PTBP3: variants seen among roughly 807,000 people sequenced by gnomAD.
PTBP3 encodes the protein polypyrimidine tract-binding protein 3.
A neutral mutation model predicts 58.7 loss-of-function variants in PTBP3; 20 were observed. The observed-to-expected ratio is 0.34, with a 90% CI of 0.24 to 0.50. PTBP3 has a LOEUF of 0.50. PTBP3 is among the 20% of genes least tolerant of loss of function. The probability of loss-of-function intolerance (pLI) is 0.98; values close to 1 mark genes in which losing one functional copy is unlikely to be tolerated. For synonymous variants in PTBP3, 185 were observed against 219.8 expected, an observed-to-expected ratio of 0.84 and a Z score of 1.40; for missense variants, 509 against 637.2, an observed-to-expected ratio of 0.80 and a Z score of 2.17.
At chr9:112,317,945 C>CA (rs1157603489) in intron 1 of PTBP3, among the ~76,000 whole-genome samples, 2 of 152,002 alleles carry the variant, frequency 1.3e-5, no homozygotes, top group South Asian at 4.1e-4. Context: ...TCAAAAACAA[C>CA]AAAAAACAAA....
chr9:112,330,344 T>G (rs2900539), intron 1 of PTBP3: 8 of 939,950 alleles, frequency 8.5e-6, no homozygotes, highest in African/African-American at 5.1e-5. Flanking sequence ...ATTAAAGACT[T>G]TTACACAATA....
At chr9:112,230,916 C>A (rs1482909075) in intron 10 of PTBP3, among the ~76,000 whole-genome samples, 3 of 152,148 alleles carry the variant, frequency 2.0e-5, no homozygotes, top group African/African-American at 7.2e-5. Flanking sequence ...TAGGTAAAAA[C>A]CAAATTCCTT....
chr9:112,262,957 G>C (rs1389585609), intron 4 of PTBP3, among the ~76,000 whole-genome samples: 2 of 152,154 alleles, frequency 1.3e-5, no homozygotes, highest in Non-Finnish European at 2.9e-5. Flanking sequence ...ACCCAAACAA[G>C]GGTAGTCAAG....
At chr9:112,371,003 T>C in the PTBP3 span, among the ~76,000 whole-genome samples, 2,277 of 152,142 alleles carry the variant, frequency 0.015, 24 homozygotes, top group Non-Finnish European at 0.023. Context: ...TTATTAGCTC[T>C]AGTAGTTTTT....
rs1303442259 is a variant in PTBP3 at position 112,280,832 on chromosome 9, T to C, written c.35-4819A>G. On this transcript the variant is annotated intron_variant, in intron 2 of 13. Coordinates refer to ENST00000374257, the MANE Select transcript of PTBP3 (RefSeq NM_001163788.4). Reference sequence around the variant, plus strand: ...TTTTTTTTAGTTTAGAGATCACTAGTTTGTTATAAGAGAGATACAACATTT... The same window carrying C: ...TTTTTTTTAGTTTAGAGATCACTAGCTTGTTATAAGAGAGATACAACATTT... The C allele has an allele frequency of 5.3e-5, 6 of 112,722 alleles. No homozygotes were observed. The East Asian group carries it at 9.4e-4, about 18-fold the overall frequency. The allele number at this position is 112,722 out of a possible 1,614,324, so 7.0% of individuals were successfully genotyped here.
intron 1 of PTBP3, among the ~76,000 whole-genome samples, chr9:112,316,535 G>C (rs2132416636): frequency 6.6e-6 from 1 of 152,292 alleles, no homozygotes; most frequent in South Asian, 2.1e-4. Context: ...CCTTGTAAAA[G>C]TTCTAGAACC....
intron 2 of PTBP3, among the ~76,000 whole-genome samples, chr9:112,279,972 A>G (rs909531764): frequency 1.3e-5 from 2 of 152,172 alleles, no homozygotes; most frequent in African/African-American, 4.8e-5. Context: ...ACTGACTTTG[A>G]TATCTTGATC....
chr9:112,322,528 G>C (rs536358061), intron 1 of PTBP3, among the ~76,000 whole-genome samples: 27 of 152,326 alleles, frequency 1.8e-4, no homozygotes, highest in Admixed American at 1.6e-3. Context: ...TCAGACTCTA[G>C]AAGAGGGGCC....
chr9:112,325,541 T>G (rs1830121597), intron 1 of PTBP3, among the ~76,000 whole-genome samples: 1 of 150,048 alleles, frequency 6.7e-6, no homozygotes, highest in African/African-American at 2.5e-5. Context: ...TGGATTTAGT[T>G]GAACTAAGAA....
chr9:112,301,300 G>GATAC (rs34177200), intron 1 of PTBP3, among the ~76,000 whole-genome samples: 42,088 of 151,646 alleles, frequency 0.28, 6,789 homozygotes, highest in South Asian at 0.41. Flanking sequence ...TTAAGACCAT[G>GATAC]ATACTACCAC....
At chr9:112,235,994 T>A (rs1835424511) in intron 7 of PTBP3, among the ~76,000 whole-genome samples, 1 of 152,078 alleles carries the variant, frequency 6.6e-6, no homozygotes, top group Admixed American at 6.6e-5. Context: ...AACAACAGTA[T>A]TACAGAAGTA....
intron 7 of PTBP3, among the ~76,000 whole-genome samples, chr9:112,246,106 C>A (rs1208103716): frequency 6.6e-6 from 1 of 151,900 alleles, no homozygotes. Context: ...CCTCAGCCCC[C>A]CTAGTAGCTG....
In PTBP3 at chr9:112,324,430, A is replaced by G. The variant is rs576044497; in HGVS notation, c.-52+9040T>C. ...CACTTTGGGAGCCCGAGTCTGGTGG[A>G]TCAGTTGAGGTCAGAAGTTCAAGAT... On this transcript the variant is annotated intron_variant, in intron 1 of 13. Coordinates refer to ENST00000374257, the MANE Select transcript of PTBP3 (RefSeq NM_001163788.4). Among the ~76,000 whole-genome samples the G allele has an allele frequency of 4.6e-5, 7 of 152,288 alleles. No homozygotes were observed. The East Asian group carries it at 9.7e-4, about 21-fold the overall frequency.
rs539008671 is a variant in PTBP3 at position 112,308,741 on chromosome 9, G to A, written c.-51-10825C>T. 3.3e-5 allele frequency among the ~76,000 whole-genome samples: 5 copies of A among 152,110 alleles called. No homozygotes were observed. The South Asian group carries it at 1.0e-3, about 32-fold the overall frequency. On this transcript the variant is annotated intron_variant, in intron 1 of 13. Transcript: ENST00000374257. ...GACATAGGGGAGTGGCGGGGCAGGT[G>A]CTGGCTGCAAACAACACTGTGTGTT...
chr9:112,326,011 C>T (rs1266506365), intron 1 of PTBP3, among the ~76,000 whole-genome samples: 1 of 67,518 alleles, frequency 1.5e-5, no homozygotes. Context: ...CAGTGAGACC[C>T]TGTCTCAAAC....
intron 2 of PTBP3, among the ~76,000 whole-genome samples, chr9:112,277,125 G>A (rs1827643033): frequency 6.6e-6 from 1 of 152,080 alleles, no homozygotes; most frequent in Non-Finnish European, 1.5e-5. Flanking sequence ...CTGTGGCACA[G>A]AACTCAACTT....
the PTBP3 span, among the ~76,000 whole-genome samples, chr9:112,363,871 T>C: frequency 1.3e-5 from 2 of 152,182 alleles, no homozygotes; most frequent in Non-Finnish European, 2.9e-5. Flanking sequence ...CCAAAATCCA[T>C]AGGGTTCACT....
At position 112,218,895 on chromosome 9, in the gene PTBP3, G is replaced by C. The variant is rs1187135216; in HGVS notation, c.*4956C>G. On this transcript the variant is annotated 3_prime_UTR_variant, in exon 14 of 14. Transcript: ENST00000374257. ...ACGAACATTCTTAAAAACTGAAAAG[G>C]GGAATTTTGATGAACAGACCACGTA... is the stretch of plus-strand genomic sequence containing the variant. 1 of 152,306 alleles carries C rather than the reference G, an allele frequency of 6.6e-6. No individual in the cohort carries two copies. Among genetic ancestry groups the C allele is most frequent in the Non-Finnish European group, 1.5e-5 (1 of 68,016 alleles). The allele number at this position is 152,306 out of a possible 1,614,324, so 9.4% of individuals were successfully genotyped here. A position where few individuals can be genotyped will look rare whatever the true frequency, so the allele number is the denominator to read the frequency against.
At chr9:112,259,576 G>A (rs1465427205) in intron 5 of PTBP3, among the ~76,000 whole-genome samples, 1 of 152,002 alleles carries the variant, frequency 6.6e-6, no homozygotes, top group Admixed American at 6.6e-5. Context: ...ATAAGCCTCT[G>A]CTCAGATATC....
Sources: gnomAD v4.1 joint callset for allele counts (sites outside exome capture counted in the v4.1 genomes callset) on GRCh38, gnomAD v4.1.1 for gene constraint, MANE v1.5 for transcripts, NCBI Gene and HGNC (gene_info 2026-07-23, HGNC 2026-07-21) for gene names.